Variants in CELSR1 observed in about 807,000 individuals in gnomAD.
CELSR1 encodes the protein cadherin EGF LAG seven-pass G-type receptor 1.
CELSR1 carries 110 observed loss-of-function variants against 249.1 expected under a neutral mutation model. That is an observed-to-expected ratio of 0.44 (90% confidence interval 0.38 to 0.52). CELSR1 has a LOEUF of 0.52. Ranked by LOEUF, CELSR1 falls within the 20% of genes least tolerant of loss-of-function variation. CELSR1 has a pLI of 0.00. For missense variants in CELSR1, 4,109 were observed against 4,296.4 expected, an observed-to-expected ratio of 0.96 and a Z score of 1.22; for synonymous variants, 2,113 against 1,900.0, an observed-to-expected ratio of 1.11 and a Z score of -2.92.
intron 25 of CELSR1, among the ~76,000 whole-genome samples, chr22:46,372,058 C>A (rs991534266): frequency 1.3e-5 from 2 of 150,564 alleles, no homozygotes; most frequent in Admixed American, 1.3e-4. Context: ...TATCCATCTA[C>A]CCACCCATCC....
rs766528183 is a variant in CELSR1 at position 46,469,510 on chromosome 22, G to GTTGT, written c.3545-5169_3545-5166dup. Among the ~76,000 whole-genome samples the GTTGT allele has an allele frequency of 1.5e-4, 23 of 151,260 alleles. No individual in the cohort carries two copies. The South Asian group carries it at 3.3e-3, about 22-fold the overall frequency. On this transcript the variant is annotated intron_variant, in intron 1 of 34. Transcript: ENST00000674500. ...CAGGGCTCTCTGTGTTTGTTTTGTT[G>GTTGT]TTGTTTGTTTGTTTGTTTGTTTTGA...
Position 46,374,441 on chromosome 22 carries a change from G to A in CELSR1, c.7585-1384C>T, listed in dbSNP as rs1350585434. 6.6e-6 allele frequency among the ~76,000 whole-genome samples: 1 copy of A among 152,194 alleles called. No individual in the cohort carries two copies. The highest frequency in any genetic ancestry group is 2.4e-5 in the African/African-American group (1 of 41,436). On this transcript the variant is annotated intron_variant, in intron 24 of 34. Transcript: ENST00000674500. The surrounding 1 kb of genome is among the most constrained non-coding windows in gnomAD (Gnocchi z 4.3). ...GATGCATAATAAATCATTTCAGCCT[G>A]CCAGCGCTCTGAGAGATGAAAAACC...
intron 1 of CELSR1, among the ~76,000 whole-genome samples, chr22:46,515,572 G>A (rs2080618386): frequency 6.6e-6 from 1 of 152,176 alleles, no homozygotes; most frequent in Non-Finnish European, 1.5e-5. Context: ...GGGCACCCCG[G>A]GGGCTGGAGG....
intron 4 of CELSR1, among the ~76,000 whole-genome samples, chr22:46,435,261 CA>C (rs1214889556): frequency 1.5e-3 from 121 of 82,550 alleles, no homozygotes; most frequent in Middle Eastern, 0.011. Context: ...CAGCCTTGTC[CA>C]AAAAAAAAAA....
intron 23 of CELSR1, 127 bp from the exon 24 acceptor site, chr22:46,377,388 C>A: frequency 1.3e-5 from 14 of 1,058,946 alleles, no homozygotes. Flanking sequence ...TCAGGCTGGG[C>A]TGGGGAGGCC....
rs190303701 is a variant in CELSR1, at chr22:46,448,023, C to T, written c.4184-8612G>A. On this transcript the variant is annotated intron_variant, in intron 2 of 34. Coordinates refer to ENST00000674500, the MANE Select transcript of CELSR1 (RefSeq NM_001378328.1). The surrounding 1 kb of genome is among the most constrained non-coding windows in gnomAD (Gnocchi z 5.7). Reference sequence around the variant, plus strand: ...CCCGCCACTGGGGACCTGTCCCATACCAGGCTTGGGGCTGGTGCACTGCCC... The same window carrying T: ...CCCGCCACTGGGGACCTGTCCCATATCAGGCTTGGGGCTGGTGCACTGCCC... Among the ~76,000 whole-genome samples the T allele has an allele frequency of 7.3e-3, 1,105 of 152,350 alleles. 6 individuals are homozygous for T. Among genetic ancestry groups the T allele is most frequent in the Middle Eastern group, 0.02 (6 of 294 alleles).
rs945999651 is a variant in CELSR1, at chr22:46,434,320, C to A, written c.4523-839G>T. Among the ~76,000 whole-genome samples the A allele has an allele frequency of 6.6e-6, 1 of 152,160 alleles. No homozygotes were observed. The highest frequency in any genetic ancestry group is 2.4e-5 in the African/African-American group (1 of 41,430). On this transcript the variant is annotated intron_variant, in intron 4 of 34. Coordinates refer to ENST00000674500, the MANE Select transcript of CELSR1 (RefSeq NM_001378328.1). This position sits in a 1 kb window ranked among gnomAD's most constrained non-coding sequence, Gnocchi z 4.9. ...CCCTTTGGGGATTCTGGGGCACAAC[C>A]CTGAGTCAGCAGCAGCAGCTGGGAG... is the stretch of plus-strand genomic sequence containing the variant.
At position 46,428,817 on chromosome 22, in the gene CELSR1, G is replaced by A. The variant is rs867222940; in HGVS notation, c.4611+4576C>T. Among the ~76,000 whole-genome samples, 4 of 152,134 alleles carry A rather than the reference G, an allele frequency of 2.6e-5. No homozygotes were observed. Among genetic ancestry groups the A allele is most frequent in the South Asian group, 2.1e-4 (1 of 4,830 alleles). On this transcript the variant is annotated intron_variant, in intron 5 of 34. Transcript: ENST00000674500. This position sits in a 1 kb window ranked among gnomAD's most constrained non-coding sequence, Gnocchi z 5.7. The stretch of plus-strand genomic sequence containing the variant: ...CACAGCTCACTCACGGGTCCCCAGC[G>A]GGCCACACTGCCTGGTGTCCATGTC...
In CELSR1 at chr22:46,398,579, C is replaced by G. The variant is rs1461351095; in HGVS notation, c.5471G>C (p.Gly1824Ala). 1 of 1,613,880 alleles carries G rather than the reference C, an allele frequency of 6.2e-7. No individual in the cohort carries two copies. The highest frequency in any genetic ancestry group is 1.7e-5 in the Admixed American group (1 of 59,996). ...PGLTVRSVVV[G>A]GASEDKVSVR... ...GGAGACCTTGTCTTCAGAGGCGCCT[C>G]CGACCACCACGCTCCTTACCGTCAG... Residue 1824 changes from glycine to alanine, a missense_variant, in exon 11 of 35, where the codon GGA becomes GCA. By Grantham distance (60) the Gly-to-Ala change is moderately conservative. Around this residue, in one of 7 missense-constraint regions of CELSR1, gnomAD observed 1,805 missense variants for 1,831.6 expected, o/e 0.99. Transcript: ENST00000674500. This position sits in a 1 kb window ranked among gnomAD's most constrained non-coding sequence, Gnocchi z 7.2.
chr22:46,411,754 AT>A lies in CELSR1; in HGVS notation c.4616del (p.Asn1539IlefsTer19). 1 of 1,614,040 alleles carries A rather than the reference AT, an allele frequency of 6.2e-7. No homozygotes were observed. The highest frequency in any genetic ancestry group is 1.7e-5 in the Admixed American group (1 of 60,030). On this transcript the variant is annotated frameshift_variant, in exon 6 of 35. Transcript: ENST00000674500. LOFTEE classifies it high-confidence loss of function. This position sits in a 1 kb window ranked among gnomAD's most constrained non-coding sequence, Gnocchi z 4.2. Reference protein sequence around the residue: ...SVQVQYYNKPNIGHLGLPHGP... With the variant: ...SVQVQYYNKPXIGHLGLPHGP... ...CATGGGGCAGGCCCAGGTGGCCAAT[AT>A]TGGGCTGTAAGAAGAGAAAGCACAG... is the stretch of plus-strand genomic sequence containing the variant.
intron 1 of CELSR1, among the ~76,000 whole-genome samples, chr22:46,515,884 A>C (rs1336074845): frequency 3.9e-5 from 6 of 152,248 alleles, no homozygotes; most frequent in Admixed American, 3.9e-4. Context: ...GTTCAGAGAA[A>C]TGCAAATCAA....
rs112139905 is a variant in CELSR1 at position 46,389,272 on chromosome 22, T to C, written c.6555+18A>G. On this transcript the variant is annotated intron_variant, in intron 18 of 34. Coordinates refer to ENST00000674500, the MANE Select transcript of CELSR1 (RefSeq NM_001378328.1). ...GTCCCCGAGTGTCCCCGAGCCAGGG[T>C]GGCGGCCACCCGCCTACCTCGTGAA... 4.1e-3 allele frequency: 6,545 copies of C among 1,600,848 alleles called. 201 individuals carry two copies. In the African/African-American group the frequency reaches 0.068, roughly 17 times the overall value.
At position 46,536,512 on chromosome 22, in the gene CELSR1, G is replaced by A; in HGVS notation, c.659C>T (p.Pro220Leu). The A allele has an allele frequency of 6.7e-7, 1 of 1,496,458 alleles. No homozygotes were observed. Among genetic ancestry groups the A allele is most frequent in the South Asian group, 1.3e-5 (1 of 78,122 alleles). 92.7% of individuals were successfully genotyped at this position (1,496,458 alleles called of 1,614,324 possible). A position where few individuals can be genotyped will look rare whatever the true frequency, so the allele number is the denominator to read the frequency against. ...ASPSPSPPLP[P>L]NLPEARAGPA... ...CCCCGCCCGGGCTTCGGGCAAGTTC[G>A]GCGGCAGGGGCGGCGATGGGGATGG... The change falls in exon 1 of 35, where the codon CCG becomes CTG. Residue 220 changes from proline to leucine, a missense_variant. By Grantham distance (98) the Pro-to-Leu change is moderately conservative. Coordinates refer to ENST00000674500, the MANE Select transcript of CELSR1 (RefSeq NM_001378328.1).
At chr22:46,420,895 C>T (rs750597624) in intron 5 of CELSR1, among the ~76,000 whole-genome samples, 3 of 152,154 alleles carry the variant, frequency 2.0e-5, no homozygotes, top group African/African-American at 4.8e-5. Flanking sequence ...AGCATGGAAG[C>T]GCCTGGATAA....
At position 46,437,184 on chromosome 22, in the gene CELSR1, T is replaced by C. The variant is rs559726530; in HGVS notation, c.4407-895A>G. Among the ~76,000 whole-genome samples, 3 of 152,252 alleles carry C rather than the reference T, an allele frequency of 2.0e-5. No homozygotes were observed. Among genetic ancestry groups the C allele is most frequent in the African/African-American group, 7.2e-5 (3 of 41,556 alleles). On this transcript the variant is annotated intron_variant, in intron 3 of 34. Transcript: ENST00000674500. This position sits in a 1 kb window ranked among gnomAD's most constrained non-coding sequence, Gnocchi z 4.9. ...AACCACCTGCTCGGGCAGGAGATCA[T>C]CAAATTCTCAGAAATCCTTCTCCCA...
intron 5 of CELSR1, among the ~76,000 whole-genome samples, chr22:46,431,052 C>T (rs756667515): frequency 1.3e-5 from 2 of 152,248 alleles, no homozygotes; most frequent in Non-Finnish European, 2.9e-5. Context: ...AAGGCCTAAT[C>T]CCACACGGGA....
rs2079826259 is a variant in CELSR1 at position 46,446,787 on chromosome 22, G to A, written c.4184-7376C>T. On this transcript the variant is annotated intron_variant, in intron 2 of 34. Coordinates refer to ENST00000674500, the MANE Select transcript of CELSR1 (RefSeq NM_001378328.1). The surrounding 1 kb of genome is among the most constrained non-coding windows in gnomAD (Gnocchi z 5.5). ...CAAATAGTGCAGGAAAGGTGTTGAT[G>A]AAATGAATTAATTTTATAGTTAAAA... Among the ~76,000 whole-genome samples the A allele has an allele frequency of 6.6e-6, 1 of 152,116 alleles. No individual in the cohort carries two copies. The highest frequency in any genetic ancestry group is 2.1e-4 in the South Asian group (1 of 4,820).
rs970087137 is a variant in CELSR1 at position 46,436,446 on chromosome 22, C to T, written c.4407-157G>A. On this transcript the variant is annotated intron_variant, in intron 3 of 34. Transcript: ENST00000674500. The surrounding 1 kb of genome is among the most constrained non-coding windows in gnomAD (Gnocchi z 5.9). ...GCGTCCTTCTCATAGGAGCAGACAG[C>T]CCATCAAGCTTGATAAGCAGGGTTC... is the stretch of plus-strand genomic sequence containing the variant. 6.6e-6 allele frequency among the ~76,000 whole-genome samples: 1 copy of T among 152,156 alleles called. No individual in the cohort carries two copies. The highest frequency in any genetic ancestry group is 6.5e-5 in the Admixed American group (1 of 15,270).
At chr22:46,367,261 T>G in intron 28 of CELSR1, 143 bp from the exon 29 acceptor site, 1 of 1,178,714 alleles carries the variant, frequency 8.5e-7, no homozygotes, top group Non-Finnish European at 1.2e-6. Context: ...AGGCCTCCCC[T>G]CCTCAGGGAC....
Sources: allele counts gnomAD v4.1 joint callset (sites outside exome capture counted in the v4.1 genomes callset), GRCh38; gene constraint gnomAD v4.1.1; regional missense constraint gnomAD v4.1.1; non-coding constraint Gnocchi (gnomAD v3.1); transcripts MANE v1.5; gene names NCBI Gene and HGNC (gene_info 2026-07-23, HGNC 2026-07-21).